Variants in SYN3 observed in about 807,000 individuals in gnomAD.
SYN3 encodes synapsin-3.
In SYN3, 35 loss-of-function variants were observed where a neutral mutation model predicts 65.8. The observed-to-expected ratio is 0.53, with a 90% CI of 0.41 to 0.70. The LOEUF (loss-of-function observed/expected upper bound fraction) is 0.70. SYN3 is among the 30% of genes least tolerant of loss of function. SYN3 has a pLI of 0.00. For missense variants in SYN3, 680 were observed against 749.0 expected (o/e 0.91, Z 1.08); for synonymous variants, 270 against 292.9 (o/e 0.92, Z 0.80).
chr22:32,642,057 C>T (rs530899692), intron 6 of SYN3, among the ~76,000 whole-genome samples: 27 of 152,074 alleles, frequency 1.8e-4, no homozygotes, highest in Admixed American at 9.2e-4. Flanking sequence ...TGGGAGGCAG[C>T]GGCAGGTGAA....
chr22:32,978,561 C>T (rs1402548797), intron 3 of SYN3, among the ~76,000 whole-genome samples: 1 of 152,152 alleles, frequency 6.6e-6, no homozygotes, highest in African/African-American at 2.4e-5. Flanking sequence ...TGTTGACATC[C>T]TATCCATTCT....
intron 7 of SYN3, among the ~76,000 whole-genome samples, chr22:32,542,224 A>G (rs1377718016): frequency 6.6e-6 from 1 of 152,150 alleles, no homozygotes; most frequent in African/African-American, 2.4e-5. Context: ...TAGCAAAATC[A>G]CTGAAGCAGC....
intron 9 of SYN3, among the ~76,000 whole-genome samples, chr22:32,537,167 C>T (rs994054369): frequency 2.0e-5 from 3 of 149,122 alleles, no homozygotes; most frequent in African/African-American, 7.4e-5. Context: ...CCTTCCCCCC[C>T]TTTTTTTTTT....
chr22:32,647,391 A>G (rs2059998454), intron 6 of SYN3, among the ~76,000 whole-genome samples: 1 of 152,136 alleles, frequency 6.6e-6, no homozygotes, highest in Non-Finnish European at 1.5e-5. Context: ...AGACTGAATC[A>G]TATGCTGAGA....
chr22:32,571,063 A>G (rs1043700543), intron 7 of SYN3, among the ~76,000 whole-genome samples: 7 of 152,194 alleles, frequency 4.6e-5, no homozygotes, highest in Non-Finnish European at 1.0e-4. Flanking sequence ...GCTAAATAAC[A>G]GAATGGGTGA....
intron 6 of SYN3, among the ~76,000 whole-genome samples, chr22:32,782,840 G>C (rs934445571): frequency 1.3e-5 from 2 of 152,174 alleles, no homozygotes; most frequent in African/African-American, 4.8e-5. Context: ...TGTAGCAGAG[G>C]ATTTGGCTTC....
At chr22:32,715,223 T>A (rs2061020794) in intron 6 of SYN3, among the ~76,000 whole-genome samples, 2 of 152,238 alleles carry the variant, frequency 1.3e-5, no homozygotes, top group Admixed American at 1.3e-4. Flanking sequence ...TTACCAAATT[T>A]GTGTCACTGA....
chr22:32,977,898 C>A (rs2052254434), intron 3 of SYN3, among the ~76,000 whole-genome samples: 1 of 152,112 alleles, frequency 6.6e-6, no homozygotes, highest in South Asian at 2.1e-4. Context: ...TCCAGACAGT[C>A]ATAGTCTCCA....
intron 4 of SYN3, among the ~76,000 whole-genome samples, chr22:32,873,015 A>C (rs1220661038): frequency 1.4e-5 from 2 of 138,746 alleles, no homozygotes; most frequent in Non-Finnish European, 3.0e-5. Context: ...CAATGGTGTG[A>C]TCTTGGCTCA....
In SYN3 at chr22:33,006,601, T is replaced by C. The variant is rs1414757875; in HGVS notation, c.62A>G (p.Tyr21Cys). ...SSFMANLPNG[Y>C]MTDLQRPDSS... The stretch of plus-strand genomic sequence containing the variant: ...ATCTGGGCGTTGCAGGTCCGTCATA[T>C]AGCCATTAGGCAGGTTGGCCATGAA... The change falls in exon 2 of 14, where the codon TAT (tyrosine) becomes TGT (cysteine). Residue 21 changes from tyrosine to cysteine, a missense_variant. Tyr to Cys is a radical substitution (Grantham distance 194, BLOSUM62 -2). Transcript: ENST00000358763. The C allele has an allele frequency of 2.5e-6, 4 of 1,612,312 alleles. No homozygotes were observed. Among genetic ancestry groups the C allele is most frequent in the Non-Finnish European group, 3.4e-6 (4 of 1,179,100 alleles).
intron 6 of SYN3, among the ~76,000 whole-genome samples, chr22:32,604,217 C>T (rs1269222033): frequency 6.6e-6 from 1 of 152,158 alleles, no homozygotes; most frequent in Non-Finnish European, 1.5e-5. Flanking sequence ...AAATCAAGAT[C>T]GAGAAGAATC....
intron 6 of SYN3, among the ~76,000 whole-genome samples, chr22:32,694,075 CTATTTATT>C (rs554781966): frequency 4.0e-5 from 6 of 151,240 alleles, no homozygotes; most frequent in Non-Finnish European, 7.4e-5. Flanking sequence ...TGTTTGTGAG[CTATTTATT>C]TATTTATTTA....
Position 32,511,763 on chromosome 22 carries a change from T to G in SYN3, c.*1929A>C, listed in dbSNP as rs2057693868. Among the ~76,000 whole-genome samples the G allele has an allele frequency of 6.6e-6, 1 of 152,246 alleles. No homozygotes were observed. Among genetic ancestry groups the G allele is most frequent in the South Asian group, 2.1e-4 (1 of 4,834 alleles). On this transcript the variant is annotated 3_prime_UTR_variant, in exon 14 of 14. Coordinates refer to ENST00000358763, the MANE Select transcript of SYN3 (RefSeq NM_003490.4). ...CCAAATTATGGCTCCCAATAGTCAC[T>G]GGCAATTGGACCTATCTGATCTTTC...
intron 6 of SYN3, among the ~76,000 whole-genome samples, chr22:32,655,939 A>G (rs2060136245): frequency 6.6e-6 from 1 of 152,150 alleles, no homozygotes; most frequent in Non-Finnish European, 1.5e-5. Context: ...GACTAAGACA[A>G]AACCCCAGCT....
chr22:32,793,473 T>A (rs738990), intron 6 of SYN3, among the ~76,000 whole-genome samples: 14,728 of 152,258 alleles, frequency 0.097, 791 homozygotes, highest in Admixed American at 0.16. Flanking sequence ...CACACTTGAC[T>A]ATCCCACTGT....
Position 32,508,723 on chromosome 22 carries a change from T to C in SYN3, c.*4969A>G, listed in dbSNP as rs2057659452. Among the ~76,000 whole-genome samples, 1 of 152,252 alleles carries C rather than the reference T, an allele frequency of 6.6e-6. No homozygotes were observed. Among genetic ancestry groups the C allele is most frequent in the Admixed American group, 6.5e-5 (1 of 15,292 alleles). On this transcript the variant is annotated 3_prime_UTR_variant, in exon 14 of 14. Coordinates refer to ENST00000358763, the MANE Select transcript of SYN3 (RefSeq NM_003490.4). ...TTAGAAAAACATCTTTTTACTTCAATCTTAATACTTTTGTTTGGATTTTAT... is the reference window on the plus strand; with the variant it reads ...TTAGAAAAACATCTTTTTACTTCAACCTTAATACTTTTGTTTGGATTTTAT...
intron 4 of SYN3, among the ~76,000 whole-genome samples, chr22:32,901,318 T>C (rs1331805789): frequency 6.6e-6 from 1 of 152,244 alleles, no homozygotes; most frequent in Non-Finnish European, 1.5e-5. Flanking sequence ...TGATACTTAA[T>C]CCACCTGAAC....
intron 7 of SYN3, among the ~76,000 whole-genome samples, chr22:32,560,434 C>T (rs910470013): frequency 2.0e-5 from 3 of 152,136 alleles, no homozygotes; most frequent in African/African-American, 7.2e-5. Flanking sequence ...GACACTATTT[C>T]TCATAGAGCA....
intron 6 of SYN3, among the ~76,000 whole-genome samples, chr22:32,790,998 G>A (rs771996244): frequency 6.6e-6 from 1 of 152,202 alleles, no homozygotes; most frequent in African/African-American, 2.4e-5. Flanking sequence ...AGAGTATTCA[G>A]AGATAGTGAG....
Sources: allele counts gnomAD v4.1 joint callset (sites outside exome capture counted in the v4.1 genomes callset), GRCh38; gene constraint gnomAD v4.1.1; transcripts MANE v1.5; gene names NCBI Gene and HGNC (gene_info 2026-07-23, HGNC 2026-07-21).